LRRTM3: variants seen among roughly 807,000 people sequenced by gnomAD.
LRRTM3 encodes the protein leucine-rich repeat transmembrane neuronal protein 3.
A neutral mutation model predicts 44.7 loss-of-function variants in LRRTM3; 24 were observed. The ratio of observed to expected loss-of-function variants is 0.54; its 90% CI spans 0.39 to 0.76. The LOEUF is 0.76. Among genes scored for constraint, LRRTM3 ranks in the 30% least tolerant of loss-of-function variants. The pLI, the probability that LRRTM3 is intolerant of heterozygous loss-of-function variation, is 0.00. For synonymous variants in LRRTM3, 277 were observed against 278.7 expected (o/e 0.99, Z 0.06); for missense variants, 587 against 702.2 (o/e 0.84, Z 1.85).
intron 2 of LRRTM3, among the ~76,000 whole-genome samples, chr10:66,969,493 T>C (rs899498665): frequency 6.6e-6 from 1 of 152,172 alleles, no homozygotes; most frequent in African/African-American, 2.4e-5. Flanking sequence ...ACTTTAATTG[T>C]ATCTTGGATT....
At chr10:66,957,415 C>CGTGTATATATATGCATAT (rs1848865147) in intron 2 of LRRTM3, among the ~76,000 whole-genome samples, 1 of 32,526 alleles carries the variant, frequency 3.1e-5, no homozygotes. Context: ...TATATATATG[C>CGTGTATATATATGCATAT]ATATATATAT....
At position 66,972,700 on chromosome 10, in the gene LRRTM3, A is replaced by AT. The variant is rs56664927; in HGVS notation, c.1536+44274dup. ...ACAATTTAAAGGTTCTGTCAAATAG[A>AT]TTTTTTTTTTTTTTTTTTTTTTTTT... On this transcript the variant is annotated intron_variant, in intron 2 of 2. Transcript: ENST00000361320. Among the ~76,000 whole-genome samples the AT allele has an allele frequency of 3.8e-3, 409 of 108,646 alleles. 5 individuals are homozygous for AT. The highest frequency in any genetic ancestry group is 4.8e-3 in the Middle Eastern group (1 of 210). The allele number at this position is 108,646 out of a possible 152,430, so 71.3% of individuals were successfully genotyped here.
At chr10:66,965,217 C>G (rs1313948548) in intron 2 of LRRTM3, among the ~76,000 whole-genome samples, 1 of 151,716 alleles carries the variant, frequency 6.6e-6, no homozygotes, top group African/African-American at 2.4e-5. Context: ...GTTTAAAAAG[C>G]TGGGTTTTTT....
chr10:66,973,686 C>T lies in LRRTM3; in HGVS notation c.1536+45234C>T, dbSNP rs7074374. Among the ~76,000 whole-genome samples the T allele has an allele frequency of 8.5e-3, 1,295 of 152,158 alleles. 14 individuals carry two copies. The highest frequency in any genetic ancestry group is 0.024 in the Middle Eastern group (7 of 294). ...TCACCCCAGCTGGAGTACAGTGGTG[C>T]GATCTCGGCTCACTGCAACCTCCAT... On this transcript the variant is annotated intron_variant, in intron 2 of 2. Transcript: ENST00000361320.
intron 2 of LRRTM3, among the ~76,000 whole-genome samples, chr10:66,992,317 C>G (rs569067572): frequency 7.2e-5 from 11 of 152,102 alleles, no homozygotes; most frequent in Non-Finnish European, 1.6e-4. Flanking sequence ...TTTTGCACTT[C>G]TGTAAATCAA....
At chr10:67,095,885 A>G (rs1040915948) in intron 2 of LRRTM3, among the ~76,000 whole-genome samples, 9 of 151,874 alleles carry the variant, frequency 5.9e-5, no homozygotes, top group Non-Finnish European at 1.2e-4. Context: ...AATGTATTTT[A>G]GTTATCTGGG....
At chr10:67,081,728 C>A (rs1857068286) in intron 2 of LRRTM3, among the ~76,000 whole-genome samples, 3 of 152,174 alleles carry the variant, frequency 2.0e-5, no homozygotes, top group Admixed American at 2.0e-4. Context: ...TGCCTCTGCA[C>A]TTCTGCCTAG....
intron 2 of LRRTM3, among the ~76,000 whole-genome samples, chr10:66,958,989 C>A (rs1564795144): frequency 6.6e-6 from 1 of 152,120 alleles, no homozygotes; most frequent in Non-Finnish European, 1.5e-5. Flanking sequence ...AATGAATTAT[C>A]TCCTCCCCAC....
intron 2 of LRRTM3, among the ~76,000 whole-genome samples, chr10:67,008,734 C>T (rs560233426): frequency 1.3e-5 from 2 of 152,258 alleles, no homozygotes; most frequent in South Asian, 2.1e-4. Context: ...CTCCAGTAGG[C>T]TAGCTCAGGC....
chr10:67,077,685 T>G (rs1050797266), intron 2 of LRRTM3, among the ~76,000 whole-genome samples: 5 of 152,200 alleles, frequency 3.3e-5, no homozygotes, highest in Non-Finnish European at 7.3e-5. Context: ...TGTAATCTTA[T>G]ATTTGTATAA....
intron 2 of LRRTM3, among the ~76,000 whole-genome samples, chr10:66,957,395 TATATATATATATATATATGC>T (rs1221086937): frequency 1.5e-5 from 1 of 67,452 alleles, no homozygotes; most frequent in African/African-American, 5.3e-5. Flanking sequence ...TATATATACA[TATATATATATATATATATGC>T]ATATATATAT....
chr10:67,002,031 G>T (rs539551645), intron 2 of LRRTM3, among the ~76,000 whole-genome samples: 4 of 152,262 alleles, frequency 2.6e-5, no homozygotes, highest in Middle Eastern at 3.4e-3. Flanking sequence ...GGAGGTCACC[G>T]TCTGGTTGAC....
chr10:66,980,431 A>T (rs1454030159), intron 2 of LRRTM3, among the ~76,000 whole-genome samples: 1 of 152,178 alleles, frequency 6.6e-6, no homozygotes, highest in East Asian at 1.9e-4. Flanking sequence ...TGGCACTGCC[A>T]CAGCTGTCAC....
At chr10:67,083,645 G>A (rs909540794) in intron 2 of LRRTM3, among the ~76,000 whole-genome samples, 1 of 152,108 alleles carries the variant, frequency 6.6e-6, no homozygotes, top group East Asian at 1.9e-4. Flanking sequence ...AAGAACTTGT[G>A]CATGTATTAA....
chr10:66,941,421 G>T (rs1325266892), intron 2 of LRRTM3, among the ~76,000 whole-genome samples: 1 of 152,158 alleles, frequency 6.6e-6, no homozygotes, highest in South Asian at 2.1e-4. Context: ...AATATCTTAG[G>T]TTCCTCTCAA....
chr10:66,951,667 C>T (rs1265680374), intron 2 of LRRTM3, among the ~76,000 whole-genome samples: 2 of 152,148 alleles, frequency 1.3e-5, no homozygotes, highest in African/African-American at 4.8e-5. Flanking sequence ...TTTTGTTCCT[C>T]TCCATTAATC....
chr10:67,066,342 GCCA>G lies in LRRTM3; in HGVS notation c.1537-31240_1537-31238del, dbSNP rs749795320. 3.3e-5 allele frequency among the ~76,000 whole-genome samples: 5 copies of G among 151,848 alleles called. No individual in the cohort carries two copies. In the South Asian group the frequency reaches 6.2e-4, roughly 19 times the overall value. ...CAAGTAACTGGGACTACAGGTGTGC[GCCA>G]CCACATCAAGCTAATTTTTGTAATT... On this transcript the variant is annotated intron_variant, in intron 2 of 2. Transcript: ENST00000361320.
At chr10:66,946,507 C>T (rs1235238468) in intron 2 of LRRTM3, among the ~76,000 whole-genome samples, 4 of 152,094 alleles carry the variant, frequency 2.6e-5, no homozygotes, top group African/African-American at 7.2e-5. Context: ...CAGAACACAT[C>T]AGCAGTGTTT....
Position 66,928,217 on chromosome 10 carries a change from T to C in LRRTM3, c.1301T>C (p.Ile434Thr). ...SVALFLSVLV[I>T]LLVIYVSWKR... The stretch of plus-strand genomic sequence containing the variant: ...GCGCTTTTCCTGTCCGTGCTCGTCA[T>C]CCTGCTGGTTATCTACGTGTCATGG... Residue 434 changes from isoleucine (I) to threonine (T), a missense_variant, in exon 2 of 3, where the codon ATC becomes ACC. By Grantham distance (89) the Ile-to-Thr change is moderately conservative. Around this residue, in one of 3 missense-constraint regions of LRRTM3, gnomAD observed 315 missense variants for 335.6 expected, o/e 0.94. Coordinates refer to ENST00000361320, the MANE Select transcript of LRRTM3 (RefSeq NM_178011.5). 6.2e-7 allele frequency: 1 copy of C among 1,614,158 alleles called. No homozygotes were observed. The highest frequency in any genetic ancestry group is 8.5e-7 in the Non-Finnish European group (1 of 1,180,046).
Sources: allele counts gnomAD v4.1 joint callset (sites outside exome capture counted in the v4.1 genomes callset), GRCh38; gene constraint gnomAD v4.1.1; regional missense constraint gnomAD v4.1.1; transcripts MANE v1.5; gene names NCBI Gene and HGNC (gene_info 2026-07-23, HGNC 2026-07-21).